CSMD1: variants seen among roughly 807,000 people sequenced by gnomAD.
CSMD1 encodes CUB and Sushi multiple domains 1.
CSMD1 carries 213 observed loss-of-function variants against 417.5 expected under a neutral mutation model. The observed-to-expected ratio is 0.51, with a 90% confidence interval of 0.46 to 0.57. The LOEUF (loss-of-function observed/expected upper bound fraction) is 0.57. Among genes scored for constraint, CSMD1 ranks in the 20% least tolerant of loss-of-function variants. CSMD1 has a pLI of 0.00. For missense variants in CSMD1, 6,923 were observed against 4,529.7 expected, an observed-to-expected ratio of 1.53 and a Z score of -15.17; for synonymous variants, 2,862 against 1,736.8, an observed-to-expected ratio of 1.65 and a Z score of -16.11.
At chr8:4,795,679 T>C (rs1478423145) in intron 1 of CSMD1, among the ~76,000 whole-genome samples, 2 of 152,142 alleles carry the variant, frequency 1.3e-5, no homozygotes, top group Non-Finnish European at 2.9e-5. Flanking sequence ...AAAATAATTA[T>C]CTTCTGTGAA....
chr8:3,990,594 T>C (rs192708483), intron 5 of CSMD1, among the ~76,000 whole-genome samples: 13 of 152,214 alleles, frequency 8.5e-5, no homozygotes, highest in Admixed American at 8.5e-4. Context: ...ATACGTATTC[T>C]TTGAAATAGT....
At chr8:3,206,426 T>C (rs1394469923) in intron 30 of CSMD1, among the ~76,000 whole-genome samples, 1 of 107,038 alleles carries the variant, frequency 9.3e-6, no homozygotes, top group Non-Finnish European at 1.8e-5. Flanking sequence ...TGTGTATGTG[T>C]GTGTGTGGGT....
At chr8:4,768,256 T>A (rs10099673) in intron 1 of CSMD1, among the ~76,000 whole-genome samples, 1 of 151,756 alleles carries the variant, frequency 6.6e-6, no homozygotes, top group African/African-American at 2.4e-5. Flanking sequence ...CTCCTTCATG[T>A]CAGCCCCTAA....
intron 3 of CSMD1, among the ~76,000 whole-genome samples, chr8:4,303,420 CTGTTTTTTTTTTT>C (rs1224889893): frequency 7.2e-3 from 660 of 91,806 alleles, no homozygotes; most frequent in Admixed American, 0.011. Context: ...GGGCAGGAAG[CTGTTTTTTTTTTT>C]TTTTTTTTTT....
At chr8:4,085,617 C>T (rs2552152) in intron 3 of CSMD1, among the ~76,000 whole-genome samples, 2 of 152,006 alleles carry the variant, frequency 1.3e-5, no homozygotes, top group Non-Finnish European at 2.9e-5. Flanking sequence ...GGGAACCTCA[C>T]GGGAACTGTG....
intron 54 of CSMD1, among the ~76,000 whole-genome samples, chr8:2,994,920 C>G (rs958146402): frequency 6.6e-6 from 1 of 152,012 alleles, no homozygotes; most frequent in African/African-American, 2.4e-5. Context: ...AAAATTAACA[C>G]AAAATGGATC....
chr8:4,580,429 A>C (rs1047743867), intron 2 of CSMD1, among the ~76,000 whole-genome samples: 4 of 150,882 alleles, frequency 2.7e-5, no homozygotes, highest in Middle Eastern at 6.8e-3. Flanking sequence ...TAAAAGCATA[A>C]AAAAAACTAT....
chr8:3,663,469 G>A (rs1798523636), intron 7 of CSMD1, among the ~76,000 whole-genome samples: 1 of 152,080 alleles, frequency 6.6e-6, no homozygotes, highest in African/African-American at 2.4e-5. Flanking sequence ...TAGCCATAGG[G>A]ACTGTGAAAG....
intron 50 of CSMD1, among the ~76,000 whole-genome samples, chr8:3,039,530 C>T (rs1372739600): frequency 2.0e-5 from 3 of 149,656 alleles, no homozygotes; most frequent in Non-Finnish European, 4.4e-5. Context: ...TCCTTCGTTC[C>T]TTCCTTCTTT....
At chr8:4,920,721 G>C (rs946959029) in intron 1 of CSMD1, among the ~76,000 whole-genome samples, 1 of 151,802 alleles carries the variant, frequency 6.6e-6, no homozygotes, top group Non-Finnish European at 1.5e-5. Context: ...TACTTAGAAG[G>C]CTAAGGCAGG....
chr8:3,411,919 C>T (rs1235496724), intron 12 of CSMD1, among the ~76,000 whole-genome samples: 5 of 42,576 alleles, frequency 1.2e-4, no homozygotes, highest in African/African-American at 1.4e-4. Flanking sequence ...CGTATATATG[C>T]ACGTATATAT....
chr8:4,450,970 T>C (rs555638120), intron 2 of CSMD1, among the ~76,000 whole-genome samples: 6 of 152,122 alleles, frequency 3.9e-5, no homozygotes, highest in South Asian at 2.1e-4. Context: ...CAGTAACGTA[T>C]TATATTTGGG....
At chr8:4,945,691 T>G (rs1438846452) in intron 1 of CSMD1, among the ~76,000 whole-genome samples, 1 of 152,098 alleles carries the variant, frequency 6.6e-6, no homozygotes, top group Non-Finnish European at 1.5e-5. Flanking sequence ...AACTTGGCAT[T>G]AACAAAGACA....
At chr8:4,339,552 C>G (rs1800359656) in intron 3 of CSMD1, among the ~76,000 whole-genome samples, 1 of 152,050 alleles carries the variant, frequency 6.6e-6, no homozygotes, top group Non-Finnish European at 1.5e-5. Context: ...ACTACTGAAT[C>G]TTTCATAAAT....
intron 2 of CSMD1, among the ~76,000 whole-genome samples, chr8:4,553,057 G>C (rs1434988803): frequency 6.6e-6 from 1 of 152,172 alleles, no homozygotes; most frequent in Non-Finnish European, 1.5e-5. Context: ...TTTTCAAAAT[G>C]TTAAAATAAC....
chr8:2,972,641 A>G (rs1174461400), intron 57 of CSMD1, among the ~76,000 whole-genome samples: 2 of 152,160 alleles, frequency 1.3e-5, no homozygotes, highest in Non-Finnish European at 2.9e-5. Flanking sequence ...ACCCACTCCA[A>G]AATAGTTCAT....
At chr8:4,913,946 C>A (rs1805871229) in intron 1 of CSMD1, among the ~76,000 whole-genome samples, 1 of 152,154 alleles carries the variant, frequency 6.6e-6, no homozygotes. Flanking sequence ...AAATAGGGCT[C>A]TAATTAATTG....
chr8:3,060,151 C>CTTTTTTT (rs34354746), intron 49 of CSMD1, among the ~76,000 whole-genome samples: 1 of 140,078 alleles, frequency 7.1e-6, no homozygotes. Flanking sequence ...TTACTAACAA[C>CTTTTTTT]TTTTTTTTTT....
chr8:3,823,821 T>G (rs1445162037), intron 5 of CSMD1, among the ~76,000 whole-genome samples: 5 of 152,174 alleles, frequency 3.3e-5, no homozygotes, highest in Non-Finnish European at 7.3e-5. Flanking sequence ...GACTTGATCA[T>G]AAAGATGGTA....
Sources: gnomAD v4.1 joint callset for allele counts (sites outside exome capture counted in the v4.1 genomes callset) on GRCh38, gnomAD v4.1.1 for gene constraint, MANE v1.5 for transcripts, NCBI Gene and HGNC (gene_info 2026-07-23, HGNC 2026-07-21) for gene names.